MLLT1: variants seen among roughly 807,000 people sequenced by gnomAD.
MLLT1 encodes MLLT1 super elongation complex subunit, also known as protein ENL.
Under a neutral mutation model 55.1 loss-of-function variants are expected in MLLT1, and 11 were observed. That is an observed-to-expected ratio of 0.20 (90% confidence interval 0.13 to 0.33). MLLT1 has a LOEUF of 0.33. Ranked by LOEUF, MLLT1 falls within the 10% of genes least tolerant of loss-of-function variation. MLLT1 has a pLI of 1.00. For synonymous variants in MLLT1, 323 were observed against 320.1 expected (o/e 1.01, Z -0.10); for missense variants, 536 against 760.6 (o/e 0.70, Z 3.47).
intron 1 of MLLT1, among the ~76,000 whole-genome samples, chr19:6,274,944 C>A (rs2091420336): frequency 1.3e-5 from 2 of 152,262 alleles, no homozygotes; most frequent in South Asian, 4.1e-4. Flanking sequence ...CCAAATCAGG[C>A]AAACCAGGCA....
chr19:6,254,850 A>G (rs900417029), intron 3 of MLLT1, among the ~76,000 whole-genome samples: 7 of 152,128 alleles, frequency 4.6e-5, no homozygotes, highest in African/African-American at 1.7e-4. Context: ...TGCATGTTCT[A>G]GCCAGGGCAG....
Position 6,211,146 on chromosome 19 carries a change from C to A in MLLT1, c.*1896G>T. 1 of 232,700 alleles carries A rather than the reference C, an allele frequency of 4.3e-6. No individual in the cohort carries two copies. Among genetic ancestry groups the A allele is most frequent in the Non-Finnish European group, 8.5e-6 (1 of 117,672 alleles). 14.4% of individuals were successfully genotyped at this position (232,700 alleles called of 1,614,324 possible). On this transcript the variant is annotated 3_prime_UTR_variant, in exon 12 of 12. Coordinates refer to ENST00000252674, the MANE Select transcript of MLLT1 (RefSeq NM_005934.4). The surrounding 1 kb of genome is among the most constrained non-coding windows in gnomAD (Gnocchi z 4.6). ...GGCCTCTTGTGCGTAGAGCTCCCAGCAGCACGGGCCCCCGGTCAGCCCCCC... is the reference window on the plus strand; with the variant it reads ...GGCCTCTTGTGCGTAGAGCTCCCAGAAGCACGGGCCCCCGGTCAGCCCCCC...
intron 3 of MLLT1, among the ~76,000 whole-genome samples, chr19:6,241,865 T>G (rs1010844880): frequency 9.9e-5 from 15 of 152,230 alleles, no homozygotes; most frequent in Non-Finnish European, 1.9e-4. Context: ...ATGTGGCTTC[T>G]GTTCTGGCTC....
chr19:6,216,807 G>A (rs1189048895), intron 7 of MLLT1: 2 of 409,740 alleles, frequency 4.9e-6, no homozygotes, highest in African/African-American at 4.2e-5. Flanking sequence ...CATTGCTGCA[G>A]CCGGAGGAGA....
intron 6 of MLLT1, among the ~76,000 whole-genome samples, chr19:6,218,754 G>A (rs1160884242): frequency 2.0e-5 from 3 of 152,236 alleles, no homozygotes; most frequent in South Asian, 2.1e-4. Flanking sequence ...GGGCAGAGGC[G>A]TAGCTCCTGG....
chr19:6,248,634 T>G (rs947198293), intron 3 of MLLT1, among the ~76,000 whole-genome samples: 2 of 152,102 alleles, frequency 1.3e-5, no homozygotes, highest in African/African-American at 4.8e-5. Flanking sequence ...CTAGCACATT[T>G]CAAAGATATC....
chr19:6,246,244 A>C (rs1248207340), intron 3 of MLLT1, among the ~76,000 whole-genome samples: 1 of 152,206 alleles, frequency 6.6e-6, no homozygotes, highest in East Asian at 1.9e-4. Flanking sequence ...TTTCTTAAAA[A>C]GTTAAATAGA....
chr19:6,234,605 C>T (rs770275804), intron 3 of MLLT1, among the ~76,000 whole-genome samples: 1 of 152,156 alleles, frequency 6.6e-6, no homozygotes, highest in African/African-American at 2.4e-5. Context: ...ACTTGGCCGA[C>T]AGCAGAGACG....
chr19:6,272,586 C>A (rs1414669905), intron 1 of MLLT1, among the ~76,000 whole-genome samples: 5 of 152,256 alleles, frequency 3.3e-5, no homozygotes, highest in African/African-American at 1.2e-4. Context: ...TCCCATCCCC[C>A]GCTCCTGGGT....
rs2091384826 is a variant in MLLT1 at position 6,270,274 on chromosome 19, C to T, written c.193+305G>A. Among the ~76,000 whole-genome samples the T allele has an allele frequency of 6.6e-6, 1 of 151,460 alleles. No individual in the cohort carries two copies. Among genetic ancestry groups the T allele is most frequent in the Non-Finnish European group, 1.5e-5 (1 of 67,816 alleles). On this transcript the variant is annotated intron_variant, in intron 2 of 11. Coordinates refer to ENST00000252674, the MANE Select transcript of MLLT1 (RefSeq NM_005934.4). The surrounding 1 kb of genome is among the most constrained non-coding windows in gnomAD (Gnocchi z 7.1). The stretch of plus-strand genomic sequence containing the variant: ...GGCCCGGTCGGCAACTTCCTGATCA[C>T]TCACCAGCCGGCTGACTTCACCTGT...
In MLLT1 at chr19:6,219,261, A is replaced by C. The variant is rs763786515; in HGVS notation, c.1111-1220T>G. Among the ~76,000 whole-genome samples, 2 of 152,116 alleles carry C rather than the reference A, an allele frequency of 1.3e-5. No homozygotes were observed. Among genetic ancestry groups the C allele is most frequent in the Non-Finnish European group, 2.9e-5 (2 of 68,000 alleles). On this transcript the variant is annotated intron_variant, in intron 6 of 11. Coordinates refer to ENST00000252674, the MANE Select transcript of MLLT1 (RefSeq NM_005934.4). The surrounding 1 kb of genome is among the most constrained non-coding windows in gnomAD (Gnocchi z 4.5). ...CAACCCAGCCCCCTCCTGCCCCTCA[A>C]ACCAGCCCCTGCCAGCGCCCCTTCC...
chr19:6,270,636 G>A lies in MLLT1; in HGVS notation c.136C>T (p.His46Tyr). The A allele has an allele frequency of 6.2e-7, 1 of 1,614,152 alleles. No homozygotes were observed. Among genetic ancestry groups the A allele is most frequent in the Non-Finnish European group, 8.5e-7 (1 of 1,180,016 alleles). The change falls in exon 2 of 12, where the codon CAC becomes TAC. Residue 46 changes from histidine to tyrosine, a missense_variant. His to Tyr is a moderately conservative substitution (Grantham distance 83). Transcript: ENST00000252674. The surrounding 1 kb of genome is among the most constrained non-coding windows in gnomAD (Gnocchi z 7.1). ...CAGAAGACCACCTTCTCCACGAAGT[G>A]CTGGATGTCACATTGCTCGGGGCCG... ...VRGPEQCDIQ[H>Y]FVEKVVFWLH... is the part of the protein sequence containing the mutation.
intron 3 of MLLT1, among the ~76,000 whole-genome samples, chr19:6,239,220 G>A (rs2091091962): frequency 6.6e-6 from 1 of 152,244 alleles, no homozygotes; most frequent in Non-Finnish European, 1.5e-5. Context: ...AGTCCGGCAA[G>A]AAAGCAAGGG....
chr19:6,242,506 G>A (rs1169168010), intron 3 of MLLT1, among the ~76,000 whole-genome samples: 1 of 152,188 alleles, frequency 6.6e-6, no homozygotes, highest in Non-Finnish European at 1.5e-5. Context: ...GCAGGGGTTG[G>A]GGAGGAGGTC....
In MLLT1 at chr19:6,270,559, C is replaced by T; in HGVS notation, c.193+20G>A. The T allele has an allele frequency of 1.2e-6, 2 of 1,600,138 alleles. No homozygotes were observed. The highest frequency in any genetic ancestry group is 1.7e-6 in the Non-Finnish European group (2 of 1,173,208). ...CAGATGGGTCCGTGCTGTGGGCACT[C>T]AGGGCTTGAGGCCACTCACCGCGTC... On this transcript the variant is annotated intron_variant, in intron 2 of 11. Transcript: ENST00000252674. This position sits in a 1 kb window ranked among gnomAD's most constrained non-coding sequence, Gnocchi z 7.1.
chr19:6,233,506 C>T (rs768062146), intron 3 of MLLT1, among the ~76,000 whole-genome samples: 9 of 152,174 alleles, frequency 5.9e-5, no homozygotes, highest in Non-Finnish European at 1.2e-4. Flanking sequence ...TCCCCTTGTC[C>T]GAGGGGACAT....
intron 5 of MLLT1, among the ~76,000 whole-genome samples, chr19:6,225,709 G>A (rs759692368): frequency 3.3e-5 from 5 of 152,140 alleles, no homozygotes; most frequent in Non-Finnish European, 7.4e-5. Flanking sequence ...GGGCCTCCAG[G>A]GGTCTCAGAG....
At chr19:6,271,880 G>A (rs74784983) in intron 1 of MLLT1, among the ~76,000 whole-genome samples, 238 of 152,270 alleles carry the variant, frequency 1.6e-3, no homozygotes, top group Admixed American at 2.2e-3. Flanking sequence ...CCACGCCATC[G>A]CTCGGCAACT....
Position 6,229,696 on chromosome 19 carries a change from C to T in MLLT1, c.420+874G>A, listed in dbSNP as rs2090989191. Among the ~76,000 whole-genome samples, 2 of 151,700 alleles carry T rather than the reference C, an allele frequency of 1.3e-5. No homozygotes were observed. The highest frequency in any genetic ancestry group is 2.4e-5 in the African/African-American group (1 of 41,282). Reference sequence around the variant, plus strand: ...ACAACACACACACACGCCCCACACCCGTGACACCACACACCACACCCCTAC... The same window carrying T: ...ACAACACACACACACGCCCCACACCTGTGACACCACACACCACACCCCTAC... On this transcript the variant is annotated intron_variant, in intron 4 of 11. Transcript: ENST00000252674. This position sits in a 1 kb window ranked among gnomAD's most constrained non-coding sequence, Gnocchi z 5.2.
Sources: allele counts gnomAD v4.1 joint callset (sites outside exome capture counted in the v4.1 genomes callset), GRCh38; gene constraint gnomAD v4.1.1; non-coding constraint Gnocchi (gnomAD v3.1); transcripts MANE v1.5; gene names NCBI Gene and HGNC (gene_info 2026-07-23, HGNC 2026-07-21).